Variants in CHLSN observed in about 807,000 individuals in gnomAD.
CHLSN encodes the protein cholesin.
At chr7:1,136,337 T>A in the CHLSN span, among the ~76,000 whole-genome samples, 1 of 105,086 alleles carries the variant, frequency 9.5e-6, no homozygotes, top group East Asian at 2.8e-4. Flanking sequence ...TATAAATATA[T>A]AAACATATAA....
At chr7:981,994 A>G in the CHLSN span, among the ~76,000 whole-genome samples, 34 of 152,182 alleles carry the variant, frequency 2.2e-4, no homozygotes, top group African/African-American at 8.0e-4. Flanking sequence ...TACTCACAGC[A>G]CGGTAATCCA....
At chr7:991,476 C>A in the CHLSN span, among the ~76,000 whole-genome samples, 1 of 97,828 alleles carries the variant, frequency 1.0e-5, no homozygotes, top group African/African-American at 4.9e-5. Context: ...GGGTGTGGGG[C>A]GGGCAGGAGG....
At chr7:978,862 C>T in the CHLSN span, among the ~76,000 whole-genome samples, 3 of 152,256 alleles carry the variant, frequency 2.0e-5, no homozygotes, top group African/African-American at 4.8e-5. Flanking sequence ...AGACATTCCA[C>T]GAGGCCTGGG....
the CHLSN span, chr7:1,093,290 T>G: frequency 2.3e-6 from 1 of 431,258 alleles, no homozygotes; most frequent in Non-Finnish European, 4.9e-6. Context: ...GTGGGGGAAC[T>G]GACGCTGGAG....
chr7:1,015,804 G>A, the CHLSN span, among the ~76,000 whole-genome samples: 5 of 152,222 alleles, frequency 3.3e-5, 1 homozygote, highest in African/African-American at 4.8e-5. Context: ...TTCCTCGGTG[G>A]GCAGCTCCTC....
the CHLSN span, among the ~76,000 whole-genome samples, chr7:1,127,807 C>T: frequency 6.0e-3 from 345 of 57,784 alleles, no homozygotes; most frequent in South Asian, 0.01. Flanking sequence ...TCGGCTGATC[C>T]CACCGTCACC....
the CHLSN span, among the ~76,000 whole-genome samples, chr7:1,124,225 C>A: frequency 1.3e-5 from 2 of 152,062 alleles, no homozygotes; most frequent in Admixed American, 6.6e-5. Flanking sequence ...ACCACTCCCT[C>A]ACTTGGGCAG....
chr7:1,002,321 T>A, the CHLSN span, among the ~76,000 whole-genome samples: 1 of 99,080 alleles, frequency 1.0e-5, no homozygotes, highest in Non-Finnish European at 2.0e-5. Context: ...GGGTAGGGAA[T>A]CCTGTGGGTG....
the CHLSN span, among the ~76,000 whole-genome samples, chr7:1,067,631 G>A: frequency 3.3e-5 from 1 of 30,452 alleles, no homozygotes; most frequent in Admixed American, 2.2e-4. Flanking sequence ...AGGGTTTGGG[G>A]CACAGTCTGT....
chr7:1,098,400 A>AAACG, the CHLSN span, among the ~76,000 whole-genome samples: 7 of 152,250 alleles, frequency 4.6e-5, no homozygotes, highest in African/African-American at 1.7e-4. Context: ...ATAGACGGAG[A>AAACG]AACGAAATCA....
chr7:1,021,550 GT>G, the CHLSN span: 1 of 985,446 alleles, frequency 1.0e-6, no homozygotes, highest in African/African-American at 1.7e-5. Flanking sequence ...CCGCACAGGA[GT>G]AGGGCTTCAG....
At chr7:1,019,088 G>A in the CHLSN span, among the ~76,000 whole-genome samples, 4 of 151,514 alleles carry the variant, frequency 2.6e-5, no homozygotes, top group Admixed American at 6.6e-5. Context: ...CCAGCTACCC[G>A]AGAGGCTGCG....
At chr7:1,077,024 G>A in the CHLSN span, among the ~76,000 whole-genome samples, 26 of 152,388 alleles carry the variant, frequency 1.7e-4, no homozygotes, top group East Asian at 4.2e-3. Context: ...CGAGACCCCC[G>A]GCCTGGGCCA....
chr7:1,050,868 C>T, the CHLSN span, among the ~76,000 whole-genome samples: 21 of 152,170 alleles, frequency 1.4e-4, no homozygotes, highest in Non-Finnish European at 2.4e-4. Flanking sequence ...AGGCTTGACG[C>T]GCAGGGGGTC....
chr7:1,072,103 C>A, the CHLSN span, among the ~76,000 whole-genome samples: 320 of 152,302 alleles, frequency 2.1e-3, 2 homozygotes, highest in African/African-American at 7.3e-3. Context: ...TAGACTCTGG[C>A]CTAAGCGGGG....
the CHLSN span, among the ~76,000 whole-genome samples, chr7:1,045,156 G>A: frequency 6.6e-6 from 1 of 152,358 alleles, no homozygotes; most frequent in East Asian, 1.9e-4. Context: ...CTCTCCAGCC[G>A]CCAAACCACC....
the CHLSN span, chr7:984,803 G>A: frequency 1.6e-6 from 2 of 1,253,794 alleles, no homozygotes; most frequent in Non-Finnish European, 2.2e-6. Context: ...AGGGGCCAGG[G>A]CCAGCCCAGG....
chr7:1,058,564 A>C, the CHLSN span: 1 of 735,394 alleles, frequency 1.4e-6, no homozygotes, highest in East Asian at 2.5e-5. Context: ...GACGCAGAGC[A>C]CTTAGTTACC....
chr7:1,107,127 G>A, the CHLSN span, among the ~76,000 whole-genome samples: 510 of 152,298 alleles, frequency 3.3e-3, 1 homozygote, highest in African/African-American at 0.011. Context: ...GAAGAGAAGC[G>A]GGGAAGGGAA....
Sources: gnomAD v4.1 joint callset for allele counts (sites outside exome capture counted in the v4.1 genomes callset) on GRCh38, gnomAD v4.1.1 for gene constraint, MANE v1.5 for transcripts, NCBI Gene and HGNC (gene_info 2026-07-23, HGNC 2026-07-21) for gene names.